The following MAPRE2 variants were observed in gnomAD, a reference collection of about 807,000 sequenced individuals.
The protein encoded by MAPRE2 is microtubule-associated protein RP/EB family member 2.
In MAPRE2, 13 loss-of-function variants were observed where a neutral mutation model predicts 43.2. The ratio of observed to expected loss-of-function variants is 0.30; its 90% CI spans 0.20 to 0.48. The LOEUF (loss-of-function observed/expected upper bound fraction) is 0.48. Ranked by LOEUF, MAPRE2 falls within the 20% of genes least tolerant of loss-of-function variation. The probability of loss-of-function intolerance (pLI) is 0.99; values close to 1 mark genes in which losing one functional copy is unlikely to be tolerated. For synonymous variants in MAPRE2, 135 were observed against 148.8 expected, an observed-to-expected ratio of 0.91 and a Z score of 0.68; for missense variants, 161 against 400.2, an observed-to-expected ratio of 0.40 and a Z score of 5.10.
Position 34,978,520 on chromosome 18 carries a change from G to C in MAPRE2, c.-70+1441G>C, listed in dbSNP as rs1487724968. 2.6e-6 allele frequency: 4 copies of C among 1,550,982 alleles called. No individual in the cohort carries two copies. In the East Asian group the frequency reaches 9.8e-5, roughly 38 times the overall value. ...TTTGCTGAATAGGACACTGTGGAATGAAACAGAACAGAGATCAAAAGGTAA... is the reference window on the plus strand; with the variant it reads ...TTTGCTGAATAGGACACTGTGGAATCAAACAGAACAGAGATCAAAAGGTAA... On this transcript the variant is annotated intron_variant, in intron 1 of 7. Transcript: ENST00000413393.
chr18:34,995,134 C>G (rs1420839304), intron 1 of MAPRE2, among the ~76,000 whole-genome samples: 1 of 152,174 alleles, frequency 6.6e-6, no homozygotes, highest in Non-Finnish European at 1.5e-5. Context: ...TCTTTTCCCT[C>G]AGTTTGAAAA....
intron 1 of MAPRE2, among the ~76,000 whole-genome samples, chr18:35,057,295 A>G (rs1471322439): frequency 1.4e-4 from 21 of 152,162 alleles, no homozygotes; most frequent in African/African-American, 4.8e-4. Context: ...TATTACAGGC[A>G]TGAGCCACCA....
chr18:35,122,727 T>C (rs151111896), intron 4 of MAPRE2, among the ~76,000 whole-genome samples: 327 of 152,314 alleles, frequency 2.1e-3, no homozygotes, highest in African/African-American at 7.6e-3. Context: ...CGCCTGCACC[T>C]CTCTCATCTC....
chr18:35,060,814 A>G (rs1468726221), intron 1 of MAPRE2, among the ~76,000 whole-genome samples: 2 of 152,252 alleles, frequency 1.3e-5, no homozygotes, highest in African/African-American at 4.8e-5. Context: ...GTTAATGCAG[A>G]TAAATAACAA....
At chr18:35,114,647 T>G (rs551546634) in intron 4 of MAPRE2, among the ~76,000 whole-genome samples, 111 of 152,302 alleles carry the variant, frequency 7.3e-4, no homozygotes, top group African/African-American at 2.5e-3. Context: ...ATAGATGCAA[T>G]TGGCATGTAT....
chr18:34,987,292 A>T (rs184238625), intron 1 of MAPRE2, among the ~76,000 whole-genome samples: 1 of 152,212 alleles, frequency 6.6e-6, no homozygotes, highest in African/African-American at 2.4e-5. Context: ...AAGTGATTGC[A>T]ATGATGCCTT....
intron 1 of MAPRE2, among the ~76,000 whole-genome samples, chr18:34,998,021 A>T (rs1297670563): frequency 1.3e-5 from 2 of 152,210 alleles, no homozygotes; most frequent in African/African-American, 2.4e-5. Context: ...AATCCCTGAC[A>T]GTGTAATTGG....
At chr18:35,049,586 A>G (rs564906490) in intron 1 of MAPRE2, among the ~76,000 whole-genome samples, 1 of 152,224 alleles carries the variant, frequency 6.6e-6, no homozygotes, top group South Asian at 2.1e-4. Context: ...AGTGGGCGAG[A>G]GTACGTGGTG....
intron 2 of MAPRE2, among the ~76,000 whole-genome samples, chr18:35,097,017 G>A (rs71366375): frequency 0.18 from 27,135 of 152,066 alleles, 3,455 homozygotes; most frequent in African/African-American, 0.36. Flanking sequence ...GTTCTCTCAT[G>A]TTTTCCTCTC....
At chr18:35,053,805 G>A (rs1210210256) in intron 1 of MAPRE2, among the ~76,000 whole-genome samples, 1 of 152,182 alleles carries the variant, frequency 6.6e-6, no homozygotes, top group East Asian at 1.9e-4. Context: ...GGTAGAAGGA[G>A]AGAGAGGAGC....
At chr18:34,977,538 T>C in intron 1 of MAPRE2, among the ~76,000 whole-genome samples, 1 of 152,118 alleles carries the variant, frequency 6.6e-6, no homozygotes, top group East Asian at 1.9e-4. Context: ...CTGGGGGCTC[T>C]GGCAGGGGCT....
chr18:35,091,078 G>C (rs931798115), intron 2 of MAPRE2, among the ~76,000 whole-genome samples: 3 of 152,138 alleles, frequency 2.0e-5, no homozygotes, highest in African/African-American at 7.2e-5. Flanking sequence ...TAAATAAATG[G>C]AAAGCCATGC....
At chr18:34,981,893 T>A (rs1178819043) in intron 1 of MAPRE2, among the ~76,000 whole-genome samples, 4 of 148,102 alleles carry the variant, frequency 2.7e-5, no homozygotes, top group African/African-American at 7.6e-5. Context: ...ATTTATTTTT[T>A]TTTTTTTTTG....
At chr18:35,127,697 A>G (rs1909968072) in intron 5 of MAPRE2, 1 of 152,252 alleles carries the variant, frequency 6.6e-6, no homozygotes, top group Non-Finnish European at 1.5e-5. Flanking sequence ...GATACTTCCC[A>G]CAATGGCAGA....
intron 2 of MAPRE2, among the ~76,000 whole-genome samples, chr18:35,080,492 C>T (rs1049381653): frequency 2.6e-5 from 4 of 152,210 alleles, no homozygotes; most frequent in Non-Finnish European, 5.9e-5. Context: ...CCTGTCTTGC[C>T]ATCATTCAGT....
Position 35,082,197 on chromosome 18 carries a change from G to T in MAPRE2, c.250+11875G>T, listed in dbSNP as rs1320464765. On this transcript the variant is annotated intron_variant, in intron 2 of 6. Transcript: ENST00000300249. ...CCCAGCTACTTGGGAGGCTGAGGCA[G>T]GAGAATGGCGTGAACCCGGGAGGCG... 3 of 110,852 alleles carry T rather than the reference G, an allele frequency of 2.7e-5. 1 individual carries two copies. The highest frequency in any genetic ancestry group is 1.8e-4 in the African/African-American group (3 of 16,454). The allele number at this position is 110,852 out of a possible 1,614,324, so 6.9% of individuals were successfully genotyped here.
intron 2 of MAPRE2, among the ~76,000 whole-genome samples, chr18:35,027,409 G>C (rs1378045682): frequency 6.6e-6 from 1 of 152,128 alleles, no homozygotes; most frequent in Non-Finnish European, 1.5e-5. Context: ...GAGGAGCCCA[G>C]GCCACATGGG....
chr18:35,038,621 G>A (rs74973247), upstream of MAPRE2, among the ~76,000 whole-genome samples: 1,238 of 152,266 alleles, frequency 8.1e-3, 10 homozygotes, highest in African/African-American at 0.029. Flanking sequence ...TGGAAAGAGT[G>A]AATTCTTCCC....
chr18:35,066,157 C>T (rs750220093), intron 1 of MAPRE2, among the ~76,000 whole-genome samples: 2 of 152,184 alleles, frequency 1.3e-5, no homozygotes, highest in Non-Finnish European at 2.9e-5. Context: ...GGAAGTACTC[C>T]ATGAATTAAA....
Sources: gnomAD v4.1 joint callset for allele counts (sites outside exome capture counted in the v4.1 genomes callset) on GRCh38, gnomAD v4.1.1 for gene constraint, MANE v1.5 for transcripts, NCBI Gene and HGNC (gene_info 2026-07-23, HGNC 2026-07-21) for gene names.